The following GABRA3 variants were observed in gnomAD, a reference collection of about 807,000 sequenced individuals.
GABRA3 encodes the protein gamma-aminobutyric acid receptor subunit alpha-3.
GABRA3 carries 10 observed loss-of-function variants against 30.1 expected under a neutral mutation model. That is an observed-to-expected ratio of 0.33 (90% confidence interval 0.20 to 0.56). GABRA3 has a LOEUF of 0.56. Among genes scored for constraint, GABRA3 ranks in the 20% least tolerant of loss-of-function variants. GABRA3 has a pLI of 0.89. For synonymous variants in GABRA3, 151 were observed against 146.8 expected, an observed-to-expected ratio of 1.03 and a Z score of -0.21; for missense variants, 233 against 392.0, an observed-to-expected ratio of 0.59 and a Z score of 3.42.
intron 1 of GABRA3, among the ~76,000 whole-genome samples, chrX:152,394,670 G>A (rs1481277320): frequency 8.9e-6 from 1 of 112,555 alleles, no homozygotes; most frequent in Non-Finnish European, 1.9e-5. Context: ...CAAGTGTGGT[G>A]TTTAAGTTTA....
rs1303467421 is a variant in GABRA3, at chrX:152,241,236, G to A, written c.551+14542C>T. Among the ~76,000 whole-genome samples, 11 of 96,338 alleles carry A rather than the reference G, an allele frequency of 1.1e-4. No individual in the cohort carries two copies. The South Asian group carries it at 1.4e-3, about 13-fold the overall frequency. The allele number at this position is 96,338 out of a possible 115,157, so 83.7% of individuals were successfully genotyped here. ...CTAACAGACAGGACCCTCAGCTGCA[G>A]GTCTGTTGGAATACCCTGCAGTGTG... On this transcript the variant is annotated intron_variant, in intron 5 of 9. Transcript: ENST00000370314.
chrX:152,226,223 A>T (rs1167554079), intron 5 of GABRA3, among the ~76,000 whole-genome samples: 1 of 111,697 alleles, frequency 9.0e-6, no homozygotes, highest in African/African-American at 3.2e-5. Context: ...GCTGCTTAAC[A>T]CGGTTTTTCT....
chrX:152,201,784 T>C (rs1185432954), intron 7 of GABRA3, among the ~76,000 whole-genome samples: 2 of 112,039 alleles, frequency 1.8e-5, no homozygotes, highest in East Asian at 2.8e-4. Flanking sequence ...CCTCTCTCTA[T>C]CTCTACTCCT....
intron 2 of GABRA3, among the ~76,000 whole-genome samples, chrX:152,352,799 A>T (rs1009387): frequency 0.12 from 13,467 of 110,955 alleles, 673 homozygotes; most frequent in African/African-American, 0.18. Context: ...AAGCCTGACA[A>T]TCATGGCCTT....
At chrX:152,429,908 T>C (rs1169599311) in intron 1 of GABRA3, among the ~76,000 whole-genome samples, 2 of 112,310 alleles carry the variant, frequency 1.8e-5, no homozygotes, top group South Asian at 3.7e-4. Context: ...CTCTGTTGCT[T>C]CACAACATAG....
chrX:152,269,384 T>C (rs922604799), intron 4 of GABRA3, among the ~76,000 whole-genome samples: 6 of 112,270 alleles, frequency 5.3e-5, no homozygotes, highest in Non-Finnish European at 1.1e-4. Flanking sequence ...ATTGACAGAA[T>C]TGATATTGTT....
chrX:152,330,144 A>G (rs929559069), intron 3 of GABRA3, among the ~76,000 whole-genome samples: 2 of 112,050 alleles, frequency 1.8e-5, no homozygotes, highest in Admixed American at 9.5e-5. Flanking sequence ...CAAAACCACA[A>G]TGAGATACCA....
At chrX:152,368,984 C>T (rs997454864) in intron 1 of GABRA3, among the ~76,000 whole-genome samples, 2 of 111,668 alleles carry the variant, frequency 1.8e-5, no homozygotes, top group African/African-American at 3.3e-5. Context: ...GGATTACAGG[C>T]GTAAGCCACC....
intron 3 of GABRA3, 96 bp downstream of exon 3, chrX:152,345,485 C>A: frequency 1.1e-6 from 1 of 946,704 alleles, no homozygotes; most frequent in South Asian, 2.6e-5. Context: ...ATCTCATTGG[C>A]CAATAGACTA....
intron 3 of GABRA3, among the ~76,000 whole-genome samples, chrX:152,338,709 A>G (rs1940269803): frequency 8.9e-6 from 1 of 112,346 alleles, no homozygotes; most frequent in East Asian, 2.8e-4. Context: ...ATTATTGTGT[A>G]TGATGAGAGA....
In GABRA3 at chrX:152,349,184, T is replaced by C. The variant is rs761097637; in HGVS notation, c.141-3482A>G. ...CACAGCATCTTTACTAGGAGTAGATTCCTTATCAAGAAATCACTCTCATTG... is the reference window on the plus strand; with the variant it reads ...CACAGCATCTTTACTAGGAGTAGATCCCTTATCAAGAAATCACTCTCATTG... On this transcript the variant is annotated intron_variant, in intron 2 of 9. Transcript: ENST00000370314. Among the ~76,000 whole-genome samples the C allele has an allele frequency of 1.3e-4, 14 of 111,335 alleles. No homozygotes were observed. In the South Asian group the frequency reaches 1.5e-3, roughly 12 times the overall value.
intron 2 of GABRA3, among the ~76,000 whole-genome samples, chrX:152,351,450 C>G: frequency 8.9e-6 from 1 of 111,785 alleles, no homozygotes; most frequent in Non-Finnish European, 1.9e-5. Context: ...GAACCAACCT[C>G]CACTAGCTTC....
At chrX:152,449,627 C>T (rs765955409) in intron 1 of GABRA3, among the ~76,000 whole-genome samples, 1 of 111,163 alleles carries the variant, frequency 9.0e-6, no homozygotes, top group South Asian at 3.8e-4. Flanking sequence ...TGCTGTTACT[C>T]TACACGAAAG....
chrX:152,379,900 C>T (rs979526928), intron 1 of GABRA3, among the ~76,000 whole-genome samples: 6 of 109,985 alleles, frequency 5.5e-5, no homozygotes, highest in East Asian at 2.9e-4. Flanking sequence ...TGCAGTGCCG[C>T]GATCTAGGCT....
chrX:152,198,841 C>G (rs772336365), intron 7 of GABRA3, among the ~76,000 whole-genome samples: 1 of 112,268 alleles, frequency 8.9e-6, no homozygotes, highest in Admixed American at 9.4e-5. Flanking sequence ...CCTGGGCTTC[C>G]TACTTGTTAT....
At chrX:152,223,630 C>G (rs1027682802) in intron 6 of GABRA3, among the ~76,000 whole-genome samples, 18 of 108,551 alleles carry the variant, frequency 1.7e-4, no homozygotes, top group African/African-American at 6.0e-4. Flanking sequence ...GTTGTTCCTT[C>G]TACTGAGAGC....
chrX:152,174,710 G>C (rs1303900086), intron 9 of GABRA3, among the ~76,000 whole-genome samples: 1 of 111,360 alleles, frequency 9.0e-6, no homozygotes, highest in Non-Finnish European at 1.9e-5. Flanking sequence ...CAGATGAGTA[G>C]GTTGCAAAAA....
chrX:152,297,139 T>G (rs1433894849), intron 3 of GABRA3, among the ~76,000 whole-genome samples: 2 of 112,156 alleles, frequency 1.8e-5, no homozygotes, highest in African/African-American at 6.5e-5. Flanking sequence ...TTAACTCCAC[T>G]ATTGTTTTAC....
intron 3 of GABRA3, among the ~76,000 whole-genome samples, chrX:152,288,408 T>G (rs1255921487): frequency 8.9e-6 from 1 of 112,447 alleles, no homozygotes; most frequent in Non-Finnish European, 1.9e-5. Flanking sequence ...TTGGGAAAAT[T>G]GAGGTAATGA....
Sources: gnomAD v4.1 joint callset for allele counts (sites outside exome capture counted in the v4.1 genomes callset) on GRCh38, gnomAD v4.1.1 for gene constraint, MANE v1.5 for transcripts, NCBI Gene and HGNC (gene_info 2026-07-23, HGNC 2026-07-21) for gene names.